Variants in STK33 observed in about 807,000 individuals in gnomAD.
STK33 encodes the protein serine/threonine kinase 33.
Under a neutral mutation model 58.0 loss-of-function variants are expected in STK33, and 52 were observed. That is an observed-to-expected ratio of 0.90 (90% CI 0.72 to 1.13). The LOEUF is 1.13. Ranked by LOEUF, STK33 falls within the 50% of genes most tolerant of loss-of-function variation. The pLI, the probability that STK33 is intolerant of heterozygous loss-of-function variation, is 0.00. For synonymous variants in STK33, 215 were observed against 200.1 expected, an observed-to-expected ratio of 1.07 and a Z score of -0.63; for missense variants, 630 against 604.2, an observed-to-expected ratio of 1.04 and a Z score of -0.45.
At chr11:8,351,722 C>T in the STK33 span, among the ~76,000 whole-genome samples, 3 of 152,164 alleles carry the variant, frequency 2.0e-5, no homozygotes, top group Non-Finnish European at 4.4e-5. Flanking sequence ...CACGCTTCAG[C>T]GCTTATATGT....
intron 1 of STK33, among the ~76,000 whole-genome samples, chr11:8,570,029 T>C (rs147918820): frequency 2.0e-5 from 3 of 151,780 alleles, no homozygotes; most frequent in African/African-American, 7.2e-5. Context: ...AATACATATA[T>C]CTAAAAAAAA....
At chr11:8,449,369 A>C (rs868662034) in intron 11 of STK33, among the ~76,000 whole-genome samples, 17 of 151,770 alleles carry the variant, frequency 1.1e-4, no homozygotes, top group African/African-American at 3.7e-4. Flanking sequence ...AATAGCAAAG[A>C]CTTGGAACCA....
chr11:8,425,910 G>C (rs1942670421), intron 14 of STK33, among the ~76,000 whole-genome samples: 1 of 151,980 alleles, frequency 6.6e-6, no homozygotes, highest in African/African-American at 2.4e-5. Flanking sequence ...GGGCACATGT[G>C]GGGTTCCAAC....
At chr11:8,444,913 C>T (rs1359857765) in intron 11 of STK33, among the ~76,000 whole-genome samples, 1 of 152,026 alleles carries the variant, frequency 6.6e-6, no homozygotes, top group Non-Finnish European at 1.5e-5. Flanking sequence ...GTAGTTTTTT[C>T]CAATTCTGTG....
intron 14 of STK33, among the ~76,000 whole-genome samples, chr11:8,415,409 G>C (rs981169053): frequency 2.0e-5 from 3 of 152,080 alleles, no homozygotes; most frequent in Non-Finnish European, 4.4e-5. Flanking sequence ...AGTGATTCAT[G>C]ATTGGAAATG....
At chr11:8,542,131 A>T (rs1955567204) in intron 1 of STK33, among the ~76,000 whole-genome samples, 2 of 152,236 alleles carry the variant, frequency 1.3e-5, no homozygotes, top group African/African-American at 2.4e-5. Context: ...TTTTCAAAAG[A>T]TCAAGAAATA....
the STK33 span, among the ~76,000 whole-genome samples, chr11:8,339,069 G>A: frequency 6.6e-6 from 1 of 152,196 alleles, no homozygotes; most frequent in African/African-American, 2.4e-5. Flanking sequence ...CAGACAGATG[G>A]AAGCAAGCAA....
At chr11:8,590,787 C>T (rs933510109) in intron 1 of STK33, among the ~76,000 whole-genome samples, 3 of 152,074 alleles carry the variant, frequency 2.0e-5, no homozygotes, top group Non-Finnish European at 2.9e-5. Context: ...TAAATCCAAA[C>T]AAAACACAGT....
At position 8,397,988 on chromosome 11, in the gene STK33, G is replaced by A. The variant is rs189852467; in HGVS notation, c.1345-5278C>T. ...AAAAGACCAAGTCTACGTCTGATTG[G>A]TGCACCTGAAAGTGATGGGGAGAAT... On this transcript the variant is annotated intron_variant, in intron 15 of 15. Transcript: ENST00000687296. 2.6e-3 allele frequency among the ~76,000 whole-genome samples: 402 copies of A among 152,302 alleles called. 1 individual carries two copies. Among genetic ancestry groups the A allele is most frequent in the African/African-American group, 9.3e-3 (386 of 41,560 alleles).
Position 8,435,517 on chromosome 11 carries a change from G to C in STK33, c.1123C>G (p.Leu375Val). ...ACTGTTAACCACTGGTTATCTAGTA[G>C]TTCCTTAGCTGTGATTCTGTGAGCA... Reference protein sequence around the residue: ...DPAHRITAKELLDNQWLTGNK... With the variant: ...DPAHRITAKEVLDNQWLTGNK... The change falls in exon 14 of 16, where the codon CTA (leucine) becomes GTA (valine). Residue 375 changes from leucine (L) to valine (V), a missense_variant. By Grantham distance (32) the Leu-to-Val change is conservative. Coordinates refer to ENST00000687296, the MANE Select transcript of STK33 (RefSeq NM_001352389.2). 2 of 1,496,778 alleles carry C rather than the reference G, an allele frequency of 1.3e-6. No individual in the cohort carries two copies. Among genetic ancestry groups the C allele is most frequent in the African/African-American group, 1.4e-5 (1 of 72,508 alleles). The allele number at this position is 1,496,778 out of a possible 1,614,324, so 92.7% of individuals were successfully genotyped here.
chr11:8,481,607 T>C (rs1269847711), intron 1 of STK33, among the ~76,000 whole-genome samples: 1 of 152,178 alleles, frequency 6.6e-6, no homozygotes, highest in Non-Finnish European at 1.5e-5. Context: ...ACCTCCACCA[T>C]AATGCAGTCC....
At chr11:8,465,007 T>C (rs894020801) in intron 6 of STK33, 185 bp from the exon 7 acceptor site, 1 of 375,116 alleles carries the variant, frequency 2.7e-6, no homozygotes, top group Non-Finnish European at 4.7e-6. Context: ...AAAATAAGCG[T>C]TGATGAATTT....
Position 8,475,004 on chromosome 11 carries a change from T to A in STK33, c.-99A>T. ...ATAAGGTAGTTGATGGTGAAAACTG[T>A]AATTTCGAACTGGTGAAGTCCTCAG... On this transcript the variant is annotated 5_prime_UTR_variant, in exon 5 of 16. Coordinates refer to ENST00000687296, the MANE Select transcript of STK33 (RefSeq NM_001352389.2). 8.6e-7 allele frequency: 1 copy of A among 1,166,790 alleles called. No individual in the cohort carries two copies. The highest frequency in any genetic ancestry group is 1.2e-6 in the Non-Finnish European group (1 of 836,316). 72.3% of individuals were successfully genotyped at this position (1,166,790 alleles called of 1,614,324 possible).
intron 1 of STK33, among the ~76,000 whole-genome samples, chr11:8,536,842 G>A (rs1016363476): frequency 6.8e-6 from 1 of 147,906 alleles, no homozygotes; most frequent in Non-Finnish European, 1.5e-5. Flanking sequence ...ACAATGGCAT[G>A]ATGATCATAG....
intron 15 of STK33, among the ~76,000 whole-genome samples, chr11:8,404,805 C>A (rs1400713921): frequency 6.6e-6 from 1 of 152,208 alleles, no homozygotes; most frequent in Non-Finnish European, 1.5e-5. Flanking sequence ...TTTTTGTGAA[C>A]TTGGGATTGC....
intron 1 of STK33, among the ~76,000 whole-genome samples, chr11:8,552,308 A>G (rs759394487): frequency 6.6e-6 from 1 of 152,140 alleles, no homozygotes; most frequent in African/African-American, 2.4e-5. Context: ...AAGTTCTGGT[A>G]TATTCAGGGT....
intron 11 of STK33, among the ~76,000 whole-genome samples, chr11:8,448,869 G>T (rs1209767537): frequency 6.8e-6 from 1 of 147,722 alleles, no homozygotes; most frequent in Non-Finnish European, 1.5e-5. Context: ...GGAGAAAATT[G>T]TTGCAATCTA....
rs142159379 is a variant in STK33, at chr11:8,513,664, G to A, written c.-465-33050C>T. On this transcript the variant is annotated intron_variant, in intron 1 of 15. Coordinates refer to ENST00000687296, the MANE Select transcript of STK33 (RefSeq NM_001352389.2). Reference sequence around the variant, plus strand: ...GACTTTAAAACATTACTTCAATCACGGTAACTTTTTTTTTAATTTTTGGGG... The same window carrying A: ...GACTTTAAAACATTACTTCAATCACAGTAACTTTTTTTTTAATTTTTGGGG... Among the ~76,000 whole-genome samples the A allele has an allele frequency of 3.1e-3, 477 of 151,790 alleles. 3 individuals carry two copies. Among genetic ancestry groups the A allele is most frequent in the African/African-American group, 0.011 (445 of 41,362 alleles).
chr11:8,514,454 G>A (rs1045957093), intron 1 of STK33, among the ~76,000 whole-genome samples: 46 of 152,270 alleles, frequency 3.0e-4, no homozygotes, highest in Middle Eastern at 3.4e-3. Flanking sequence ...ATTCTATTTG[G>A]AGATGCTTGC....
Sources: gnomAD v4.1 joint callset for allele counts (sites outside exome capture counted in the v4.1 genomes callset) on GRCh38, gnomAD v4.1.1 for gene constraint, MANE v1.5 for transcripts, NCBI Gene and HGNC (gene_info 2026-07-23, HGNC 2026-07-21) for gene names.